The following ALG1 variants were observed in gnomAD, a reference collection of about 807,000 sequenced individuals.
ALG1 encodes the protein chitobiosyldiphosphodolichol beta-mannosyltransferase.
In ALG1, 58 loss-of-function variants were observed where a neutral mutation model predicts 55.1. The observed-to-expected ratio is 1.05, with a 90% CI of 0.85 to 1.31. The LOEUF is 1.31. Ranked by LOEUF, ALG1 falls within the 50% of genes most tolerant of loss-of-function variation. The pLI is 0.00. For synonymous variants in ALG1, 309 were observed against 247.0 expected, an observed-to-expected ratio of 1.25 and a Z score of -2.35; for missense variants, 761 against 598.6, an observed-to-expected ratio of 1.27 and a Z score of -2.83.
chr16:5,071,897 G>A lies in ALG1; in HGVS notation c.48G>A (p.Pro16=). ...LVLLALCLLL[P]LLLLGGWKRW... ...TGCTGGCGCTGTGTCTGCTGCTGCC[G>A]CTGCTGCTGCTGGGAGGATGGAAGC... Residue 16 remains proline, a synonymous_variant, in exon 1 of 13, where the codon CCG becomes CCA. Transcript: ENST00000262374. 2 of 1,597,648 alleles carry A rather than the reference G, an allele frequency of 1.3e-6. No individual in the cohort carries two copies. Among genetic ancestry groups the A allele is most frequent in the Middle Eastern group, 1.7e-4 (1 of 5,902 alleles).
intron 12 of ALG1, 82 bp from the exon 13 acceptor site, chr16:5,084,668 G>A: frequency 6.3e-7 from 1 of 1,588,518 alleles, no homozygotes; most frequent in Non-Finnish European, 8.5e-7. Context: ...GTTGGGTCGG[G>A]GACCTGGGGT....
chr16:5,075,611 G>C (rs1956898053), intron 4 of ALG1, 75 bp downstream of exon 4: 4 of 1,590,352 alleles, frequency 2.5e-6, no homozygotes, highest in Middle Eastern at 1.7e-4. Context: ...GGCCATAGTG[G>C]GCCTCCGGAA....
At chr16:5,079,722 AG>A in intron 8 of ALG1, 25 bp from the exon 9 acceptor site, 1 of 1,608,398 alleles carries the variant, frequency 6.2e-7, no homozygotes, top group Non-Finnish European at 8.5e-7. Flanking sequence ...AATTCCATGT[AG>A]AATTGTTTCT....
chr16:5,072,365 G>A (rs1388393201), intron 1 of ALG1: 1 of 860,474 alleles, frequency 1.2e-6, no homozygotes, highest in African/African-American at 1.7e-5. Context: ...TCCCTGTGCA[G>A]CTACCCTTGT....
Position 5,083,604 on chromosome 16 carries a change from G to T in ALG1, c.1188-78G>T, listed in dbSNP as rs539817988. 96 of 1,591,172 alleles carry T rather than the reference G, an allele frequency of 6.0e-5. No individual in the cohort carries two copies. In the African/African-American group the frequency reaches 1.1e-3, roughly 18 times the overall value. On this transcript the variant is annotated intron_variant, in intron 11 of 12. Coordinates refer to ENST00000262374, the MANE Select transcript of ALG1 (RefSeq NM_019109.5). ...AGCCTGGCTTGAGCATGGGGTGTGT[G>T]GGGGAGCCCAGGTGGGCACCCCAGG... is the stretch of plus-strand genomic sequence containing the variant.
chr16:5,077,105 C>A (rs1956927508), intron 4 of ALG1, among the ~76,000 whole-genome samples: 1 of 152,148 alleles, frequency 6.6e-6, no homozygotes. Flanking sequence ...CCTTTTACAG[C>A]AAGAGAGAGG....
At chr16:5,080,698 T>C (rs1455332263) in intron 9 of ALG1, among the ~76,000 whole-genome samples, 2 of 152,154 alleles carry the variant, frequency 1.3e-5, no homozygotes, top group South Asian at 2.1e-4. Context: ...TACCCCGCCA[T>C]GTTTGCAGCC....
At chr16:5,079,427 A>C (rs540576445) in intron 8 of ALG1, among the ~76,000 whole-genome samples, 16 of 152,316 alleles carry the variant, frequency 1.1e-4, no homozygotes, top group Middle Eastern at 6.8e-3. Flanking sequence ...TGGTGGCTCA[A>C]ACCTGTAATC....
Position 5,085,587 on chromosome 16 carries a change from A to C in ALG1, c.*706A>C, listed in dbSNP as rs1362121954. On this transcript the variant is annotated 3_prime_UTR_variant, in exon 13 of 13. Transcript: ENST00000262374. ...TTCCCATATAAAAATTCTTCCCATG[A>C]GAGTGACTTGATTCTCACAATCCCG... 11 of 1,333,018 alleles carry C rather than the reference A, an allele frequency of 8.3e-6. No homozygotes were observed. The highest frequency in any genetic ancestry group is 4.7e-5 in the South Asian group (4 of 85,432). The allele number at this position is 1,333,018 out of a possible 1,614,324, so 82.6% of individuals were successfully genotyped here. A position where few individuals can be genotyped will look rare whatever the true frequency, so the allele number is the denominator to read the frequency against.
chr16:5,078,905 G>C (rs1387989746), intron 7 of ALG1, 27 bp downstream of exon 7: 3 of 1,610,114 alleles, frequency 1.9e-6, no homozygotes, highest in South Asian at 1.1e-5. Context: ...GGGCACTTGG[G>C]GTTGGTGTGA....
chr16:5,071,894 G>T lies in ALG1; in HGVS notation c.45G>T (p.Leu15=). 1 of 1,601,078 alleles carries T rather than the reference G, an allele frequency of 6.2e-7. No individual in the cohort carries two copies. Residue 15 remains leucine (L), a synonymous_variant, in exon 1 of 13, where the codon CTG becomes CTT. Transcript: ENST00000262374. ...TCCTGCTGGCGCTGTGTCTGCTGCT[G>T]CCGCTGCTGCTGCTGGGAGGATGGA... ...CLVLLALCLL[L]PLLLLGGWKR...
intron 2 of ALG1, 25 bp downstream of exon 2, chr16:5,073,053 C>G: frequency 6.8e-6 from 11 of 1,613,200 alleles, no homozygotes; most frequent in Non-Finnish European, 9.3e-6. Context: ...ACTCCAGAAT[C>G]CTCTGAATCC....
chr16:5,073,079 G>A (rs770524498), intron 2 of ALG1, 51 bp downstream of exon 2: 1 of 1,611,732 alleles, frequency 6.2e-7, no homozygotes, highest in Non-Finnish European at 8.5e-7. Context: ...CTGGGGGCAG[G>A]GGGTGTTCGT....
At chr16:5,083,164 G>C (rs2142727158) in intron 11 of ALG1, among the ~76,000 whole-genome samples, 1 of 152,268 alleles carries the variant, frequency 6.6e-6, no homozygotes, top group South Asian at 2.1e-4. Context: ...GTGTTTGGAA[G>C]GGCAGTGTTA....
In ALG1 at chr16:5,077,544, C is replaced by T. The variant is rs1202019632; in HGVS notation, c.629+10C>T. ...ATAACTGGCACATCAGGTACCATGG[C>T]CTGGGATGACGGCGGCCTGGGAGAG... On this transcript the variant is annotated intron_variant, in intron 5 of 12. Coordinates refer to ENST00000262374, the MANE Select transcript of ALG1 (RefSeq NM_019109.5). 6.2e-7 allele frequency: 1 copy of T among 1,613,932 alleles called. No individual in the cohort carries two copies. The highest frequency in any genetic ancestry group is 8.5e-7 in the Non-Finnish European group (1 of 1,179,818).
rs1416406361 is a variant in ALG1, at chr16:5,077,887, C to T, written c.630-20C>T. The T allele has an allele frequency of 1.9e-6, 3 of 1,606,372 alleles. No individual in the cohort carries two copies. The highest frequency in any genetic ancestry group is 4.5e-5 in the East Asian group (2 of 44,882). ...CCTTTCTTCAGCCCTCCCAATAGCC[C>T]CGTCATGATTTCATTGCAGGGCTGT... On this transcript the variant is annotated intron_variant, in intron 5 of 12. Coordinates refer to ENST00000262374, the MANE Select transcript of ALG1 (RefSeq NM_019109.5).
At chr16:5,080,359 C>T (rs1312684341) in intron 9 of ALG1, among the ~76,000 whole-genome samples, 1 of 152,166 alleles carries the variant, frequency 6.6e-6, no homozygotes, top group Admixed American at 6.5e-5. Context: ...ATCACTGTGC[C>T]CGGCCATGTC....
intron 9 of ALG1, among the ~76,000 whole-genome samples, chr16:5,080,477 G>A (rs997815460): frequency 3.9e-5 from 6 of 152,222 alleles, no homozygotes; most frequent in Non-Finnish European, 8.8e-5. Context: ...GGAGAAAAGC[G>A]GAAGCGGTGT....
chr16:5,078,509 A>G, intron 6 of ALG1: 2 of 738,088 alleles, frequency 2.7e-6, no homozygotes, highest in East Asian at 2.9e-5. Flanking sequence ...CCAGGGGATG[A>G]TAAGACAGTA....
Sources: allele counts gnomAD v4.1 joint callset (sites outside exome capture counted in the v4.1 genomes callset), GRCh38; gene constraint gnomAD v4.1.1; transcripts MANE v1.5; gene names NCBI Gene and HGNC (gene_info 2026-07-23, HGNC 2026-07-21).